ITGBL1: variants seen among roughly 807,000 people sequenced by gnomAD.
The protein encoded by ITGBL1 is integrin beta-like protein 1.
ITGBL1 carries 51 observed loss-of-function variants against 68.5 expected under a neutral mutation model. The ratio of observed to expected loss-of-function variants is 0.74; its 90% CI spans 0.59 to 0.94. The LOEUF (loss-of-function observed/expected upper bound fraction) is 0.94. ITGBL1 is among the 40% of genes least tolerant of loss of function. ITGBL1 has a pLI of 0.00. For synonymous variants in ITGBL1, 209 were observed against 227.3 expected (o/e 0.92, Z 0.72); for missense variants, 649 against 647.4 (o/e 1.00, Z -0.03).
chr13:101,540,208 A>G (rs868849505), intron 2 of ITGBL1, among the ~76,000 whole-genome samples: 1 of 151,882 alleles, frequency 6.6e-6, no homozygotes, highest in Non-Finnish European at 1.5e-5. Context: ...AGTCTTTAAT[A>G]CATCTTGAAT....
intron 2 of ITGBL1, among the ~76,000 whole-genome samples, chr13:101,517,207 C>G (rs183848823): frequency 6.6e-6 from 1 of 152,092 alleles, no homozygotes; most frequent in African/African-American, 2.4e-5. Flanking sequence ...ATTCCCAACA[C>G]AGAGAGACAG....
chr13:101,470,334 T>A (rs532728699), intron 2 of ITGBL1, among the ~76,000 whole-genome samples: 193 of 152,158 alleles, frequency 1.3e-3, no homozygotes, highest in Admixed American at 2.7e-3. Flanking sequence ...TTAATTAATT[T>A]ATTTTTTTTT....
intron 7 of ITGBL1, among the ~76,000 whole-genome samples, chr13:101,608,295 C>T (rs550663831): frequency 1.3e-5 from 2 of 151,900 alleles, no homozygotes; most frequent in African/African-American, 4.8e-5. Context: ...ATTTATCTTT[C>T]CTTTTTATTG....
chr13:101,538,247 C>A (rs2049613897), intron 2 of ITGBL1, among the ~76,000 whole-genome samples: 1 of 151,752 alleles, frequency 6.6e-6, no homozygotes, highest in Non-Finnish European at 1.5e-5. Context: ...TGCCCATAAG[C>A]AAATAGTTCT....
At chr13:101,516,807 G>A (rs2049203320) in intron 2 of ITGBL1, among the ~76,000 whole-genome samples, 1 of 152,126 alleles carries the variant, frequency 6.6e-6, no homozygotes, top group Non-Finnish European at 1.5e-5. Flanking sequence ...ACACTTCCAT[G>A]TAAACTGATT....
At chr13:101,458,555 A>G (rs1274776082) in intron 2 of ITGBL1, among the ~76,000 whole-genome samples, 3 of 152,212 alleles carry the variant, frequency 2.0e-5, no homozygotes, top group African/African-American at 7.2e-5. Context: ...TGATTTATGG[A>G]AAGAAATACA....
intron 7 of ITGBL1, among the ~76,000 whole-genome samples, chr13:101,617,639 CTA>C (rs946100169): frequency 3.3e-5 from 5 of 152,240 alleles, no homozygotes; most frequent in Non-Finnish European, 7.4e-5. Flanking sequence ...TTTATTAAAA[CTA>C]TAGAAATTTA....
intron 2 of ITGBL1, among the ~76,000 whole-genome samples, chr13:101,567,106 A>G (rs756759708): frequency 7.2e-5 from 11 of 152,210 alleles, no homozygotes; most frequent in Admixed American, 2.0e-4. Flanking sequence ...CATGCATTAA[A>G]GCAAAATGAC....
chr13:101,617,200 A>G (rs2139379356), intron 7 of ITGBL1, among the ~76,000 whole-genome samples: 1 of 152,292 alleles, frequency 6.6e-6, no homozygotes, highest in Admixed American at 6.5e-5. Flanking sequence ...AGTCAAACAT[A>G]GAAGTACCTT....
intron 2 of ITGBL1, among the ~76,000 whole-genome samples, chr13:101,485,336 C>T (rs1312154366): frequency 6.6e-6 from 1 of 152,058 alleles, no homozygotes; most frequent in Non-Finnish European, 1.5e-5. Context: ...CTTTTATTCA[C>T]ATGTCTTTTA....
intron 7 of ITGBL1, among the ~76,000 whole-genome samples, chr13:101,650,898 A>ACAC (rs1283769639): frequency 2.6e-5 from 4 of 152,074 alleles, no homozygotes; most frequent in African/African-American, 9.7e-5. Context: ...GAGAACGTGC[A>ACAC]GTGTTTGGTT....
At chr13:101,693,607 A>C (rs549345709) in intron 8 of ITGBL1, among the ~76,000 whole-genome samples, 53 of 133,532 alleles carry the variant, frequency 4.0e-4, no homozygotes, top group Admixed American at 3.6e-3. Flanking sequence ...CCATCCATCC[A>C]TCCTATCTGT....
intron 2 of ITGBL1, among the ~76,000 whole-genome samples, chr13:101,481,155 T>C (rs1594836351): frequency 6.7e-6 from 1 of 148,422 alleles, no homozygotes; most frequent in East Asian, 2.1e-4. Flanking sequence ...TGTATATATA[T>C]ATATATGAGA....
intron 7 of ITGBL1, among the ~76,000 whole-genome samples, chr13:101,611,968 C>T (rs1313327377): frequency 6.6e-6 from 1 of 152,156 alleles, no homozygotes; most frequent in Non-Finnish European, 1.5e-5. Context: ...TCAGACTCTG[C>T]TTTCTACCAA....
chr13:101,462,342 G>C (rs919397166), intron 2 of ITGBL1, among the ~76,000 whole-genome samples: 1 of 152,186 alleles, frequency 6.6e-6, no homozygotes. Context: ...TGCCACGTAA[G>C]GTGACATATT....
intron 2 of ITGBL1, among the ~76,000 whole-genome samples, chr13:101,502,136 C>T (rs2048953316): frequency 6.6e-6 from 1 of 152,126 alleles, no homozygotes; most frequent in African/African-American, 2.4e-5. Context: ...AAAAAAACAA[C>T]TAATGCTCTT....
intron 2 of ITGBL1, among the ~76,000 whole-genome samples, chr13:101,511,547 G>A (rs1396737698): frequency 6.6e-6 from 1 of 152,110 alleles, no homozygotes; most frequent in East Asian, 1.9e-4. Flanking sequence ...AAATTTTACT[G>A]GGTGGGGTTG....
At chr13:101,545,630 A>G (rs189252457) in intron 2 of ITGBL1, among the ~76,000 whole-genome samples, 3 of 152,348 alleles carry the variant, frequency 2.0e-5, no homozygotes, top group Admixed American at 1.3e-4. Context: ...AAAATCTTCC[A>G]TGGTAAAGTT....
intron 2 of ITGBL1, among the ~76,000 whole-genome samples, chr13:101,507,889 C>T (rs770909195): frequency 9.2e-5 from 14 of 152,124 alleles, no homozygotes; most frequent in Non-Finnish European, 1.5e-4. Flanking sequence ...GGGCATTGCT[C>T]GCAAGGGAGT....
Sources: gnomAD v4.1 joint callset for allele counts (sites outside exome capture counted in the v4.1 genomes callset) on GRCh38, gnomAD v4.1.1 for gene constraint, MANE v1.5 for transcripts, NCBI Gene and HGNC (gene_info 2026-07-23, HGNC 2026-07-21) for gene names.